Variants in ZNF90 observed in about 807,000 individuals in gnomAD.
The protein encoded by ZNF90 is zinc finger protein 90, also known as zinc finger protein HTF9.
ZNF90 carries 11 observed loss-of-function variants against 12.0 expected under a neutral mutation model. That is an observed-to-expected ratio of 0.92 (90% CI 0.58 to 1.52). The LOEUF (loss-of-function observed/expected upper bound fraction) is 1.52. Ranked by LOEUF, ZNF90 falls within the 40% of genes most tolerant of loss-of-function variation. The pLI, the probability that ZNF90 is intolerant of heterozygous loss-of-function variation, is 0.00. For synonymous variants in ZNF90, 232 were observed against 240.1 expected, an observed-to-expected ratio of 0.97 and a Z score of 0.31; for missense variants, 765 against 711.5, an observed-to-expected ratio of 1.08 and a Z score of -0.86.
chr19:20,111,558 A>G (rs1368237473), intron 3 of ZNF90, among the ~76,000 whole-genome samples: 4 of 152,168 alleles, frequency 2.6e-5, no homozygotes, highest in African/African-American at 4.8e-5. Context: ...AAGAAAAATT[A>G]CCAGTTATAT....
rs113075189 is a variant in ZNF90, at chr19:20,095,308, G to A, written c.4-8931G>A. Among the ~76,000 whole-genome samples, 621 of 152,224 alleles carry A rather than the reference G, an allele frequency of 4.1e-3. 6 individuals are homozygous for A. Among genetic ancestry groups the A allele is most frequent in the African/African-American group, 0.014 (584 of 41,516 alleles). ...GTAGGATGAAGAAATCGAAAGTGCC[G>A]TTTTCTGGCCATTTAGAGCCACTGT... On this transcript the variant is annotated intron_variant, in intron 1 of 3. Transcript: ENST00000418063.
At position 20,118,273 on chromosome 19, in the gene ZNF90, A is replaced by G. The variant is rs2089159380; in HGVS notation, c.719A>G (p.Tyr240Cys). 6.4e-7 allele frequency: 1 copy of G among 1,554,870 alleles called. No individual in the cohort carries two copies. The highest frequency in any genetic ancestry group is 1.4e-5 in the African/African-American group (1 of 72,972). The stretch of plus-strand genomic sequence containing the variant: ...GAAGATTGTGGCAAAGAATTAAAGT[A>G]TTCCTCTACCCTTACTGCACATAAG... ...KCEDCGKELK[Y>C]SSTLTAHKRI... Residue 240 changes from tyrosine (Y) to cysteine (C), a missense_variant, in exon 4 of 4, where the codon TAT becomes TGT. Tyr to Cys is a radical substitution (Grantham distance 194). Transcript: ENST00000418063.
chr19:20,080,333 C>T (rs1341231519), intron 1 of ZNF90: 2 of 499,666 alleles, frequency 4.0e-6, no homozygotes, highest in Admixed American at 2.5e-5. Flanking sequence ...GTACAACACT[C>T]TGAGCCACAG....
chr19:20,110,889 GTT>G (rs1305401537), intron 3 of ZNF90, among the ~76,000 whole-genome samples: 1 of 151,854 alleles, frequency 6.6e-6, no homozygotes, highest in East Asian at 1.9e-4. Flanking sequence ...TTATTGTTTA[GTT>G]TTAAGGGTTG....
intron 1 of ZNF90, among the ~76,000 whole-genome samples, chr19:20,079,009 C>T (rs1319631357): frequency 1.3e-5 from 2 of 150,982 alleles, no homozygotes; most frequent in Admixed American, 6.6e-5. Context: ...ATCCCAGCAA[C>T]TTGGGAGGCT....
In ZNF90 at chr19:20,104,240, G is replaced by C. The variant is rs782357393; in HGVS notation, c.5G>C (p.Gly2Ala). The C allele has an allele frequency of 6.2e-7, 1 of 1,613,656 alleles. No individual in the cohort carries two copies. Among genetic ancestry groups the C allele is most frequent in the Non-Finnish European group, 8.5e-7 (1 of 1,179,828 alleles). M[G>A]PLEFRDVAIE... ...TGTGTGTATATGTGTGTTTTTCAGGGACCATTGGAATTTAGAGATGTGGCC... is the reference window on the plus strand; with the variant it reads ...TGTGTGTATATGTGTGTTTTTCAGGCACCATTGGAATTTAGAGATGTGGCC... The change falls in exon 2 of 4, where the codon GGA (glycine) becomes GCA (alanine). Residue 2 changes from glycine (G) to alanine (A), a missense_variant and splice_region_variant. Physicochemically the swap from Gly to Ala is moderately conservative, Grantham distance 60. Coordinates refer to ENST00000418063, the MANE Select transcript of ZNF90 (RefSeq NM_007138.2).
chr19:20,101,568 C>G (rs984034722), intron 1 of ZNF90, among the ~76,000 whole-genome samples: 5 of 152,112 alleles, frequency 3.3e-5, no homozygotes, highest in Non-Finnish European at 5.9e-5. Context: ...TTTTGAATCT[C>G]TAATTGTTTT....
At position 20,078,038 on chromosome 19, in the gene ZNF90, C is replaced by T. The variant is rs1465324651; in HGVS notation, c.-95C>T. ...CTGCAGCTGGTGCTCCAAATCTGGT[C>T]TTAGCTGCTTCGTGTCTTCTTCTCC... On this transcript the variant is annotated 5_prime_UTR_variant, in exon 1 of 4. Coordinates refer to ENST00000418063, the MANE Select transcript of ZNF90 (RefSeq NM_007138.2). 3.2e-5 allele frequency: 49 copies of T among 1,552,198 alleles called. No homozygotes were observed. Among genetic ancestry groups the T allele is most frequent in the Non-Finnish European group, 4.1e-5 (46 of 1,124,042 alleles).
rs782242346 is a variant in ZNF90, at chr19:20,104,219, T to G, written c.4-20T>G. ...TGACCACTTGGTAAAAATGTGTGTG[T>G]GTATATGTGTGTTTTTCAGGGACCA... On this transcript the variant is annotated intron_variant, in intron 1 of 3. Coordinates refer to ENST00000418063, the MANE Select transcript of ZNF90 (RefSeq NM_007138.2). The G allele has an allele frequency of 1.6e-5, 26 of 1,613,080 alleles. No individual in the cohort carries two copies. In the South Asian group the frequency reaches 2.5e-4, roughly 16 times the overall value.
intron 1 of ZNF90, among the ~76,000 whole-genome samples, chr19:20,096,130 G>A (rs2088943363): frequency 6.6e-6 from 1 of 152,198 alleles, no homozygotes; most frequent in Admixed American, 6.5e-5. Flanking sequence ...ATTGGAAGGA[G>A]AAAGAGGTTG....
intron 1 of ZNF90, among the ~76,000 whole-genome samples, chr19:20,101,620 TTCTG>T (rs2088990648): frequency 6.6e-6 from 1 of 152,242 alleles, no homozygotes; most frequent in South Asian, 2.1e-4. Flanking sequence ...GGTGGACTTT[TTCTG>T]TCTTTGTTTT....
At position 20,118,499 on chromosome 19, in the gene ZNF90, T is replaced by C; in HGVS notation, c.945T>C (p.Cys315=). Residue 315 remains cysteine, a synonymous_variant, in exon 4 of 4, where the codon TGT becomes TGC. Transcript: ENST00000418063. ...ISHTEEKPYK[C]EECGKAFKLS... is the part of the protein sequence containing the mutation. Reference sequence around the variant, plus strand: ...ATACTGAAGAGAAACCCTACAAATGTGAAGAATGTGGCAAAGCCTTCAAGC... The same window carrying C: ...ATACTGAAGAGAAACCCTACAAATGCGAAGAATGTGGCAAAGCCTTCAAGC... 6.2e-7 allele frequency: 1 copy of C among 1,613,798 alleles called. No individual in the cohort carries two copies. The highest frequency in any genetic ancestry group is 8.5e-7 in the Non-Finnish European group (1 of 1,179,966).
intron 1 of ZNF90, among the ~76,000 whole-genome samples, chr19:20,081,770 T>C (rs1031595330): frequency 6.9e-6 from 1 of 143,920 alleles, no homozygotes; most frequent in African/African-American, 2.5e-5. Context: ...TTCTTTCTTC[T>C]TTTTTTTTTT....
chr19:20,108,862 G>T (rs1447906196), intron 3 of ZNF90, among the ~76,000 whole-genome samples: 38 of 151,380 alleles, frequency 2.5e-4, no homozygotes, highest in Admixed American at 2.5e-3. Context: ...GAGTAGCTGG[G>T]ACTACAGGCG....
chr19:20,085,268 C>CTTTTTTTTTCTTTTTCTTTT (rs143305769), intron 1 of ZNF90, among the ~76,000 whole-genome samples: 1 of 135,572 alleles, frequency 7.4e-6, no homozygotes, highest in South Asian at 2.3e-4. Flanking sequence ...TTGCATTGGT[C>CTTTTTTTTTCTTTTTCTTTT]TTTTTTTTTT....
intron 1 of ZNF90, among the ~76,000 whole-genome samples, chr19:20,082,789 G>T (rs1210603100): frequency 6.6e-6 from 1 of 152,160 alleles, no homozygotes; most frequent in Non-Finnish European, 1.5e-5. Context: ...ATTAGTAAAA[G>T]AGAAAGTCCT....
At chr19:20,095,835 G>T (rs2088940610) in intron 1 of ZNF90, among the ~76,000 whole-genome samples, 1 of 152,064 alleles carries the variant, frequency 6.6e-6, no homozygotes, top group Non-Finnish European at 1.5e-5. Context: ...GACAAGGAGA[G>T]AAGGGGTTGA....
At chr19:20,091,252 G>A (rs56686637) in intron 1 of ZNF90, among the ~76,000 whole-genome samples, 1,966 of 151,648 alleles carry the variant, frequency 0.013, 42 homozygotes, top group African/African-American at 0.046. Context: ...GGAAGGGAGG[G>A]GGCCTGAACA....
At position 20,118,706 on chromosome 19, in the gene ZNF90, T is replaced by C; in HGVS notation, c.1152T>C (p.Leu384=). 6.4e-7 allele frequency: 1 copy of C among 1,565,214 alleles called. No homozygotes were observed. The highest frequency in any genetic ancestry group is 1.4e-5 in the African/African-American group (1 of 73,654). Residue 384 remains leucine, a synonymous_variant, in exon 4 of 4, where the codon CTT becomes CTC. Coordinates refer to ENST00000418063, the MANE Select transcript of ZNF90 (RefSeq NM_007138.2). ...AAGCATTTATTTCATCCTCACTCCT[T>C]TATAAACATAAGATAAGTCATAGTG... The part of the protein sequence containing the change: ...CGKAFISSSL[L]YKHKISHSEK...
Sources: gnomAD v4.1 joint callset for allele counts (sites outside exome capture counted in the v4.1 genomes callset) on GRCh38, gnomAD v4.1.1 for gene constraint, MANE v1.5 for transcripts, NCBI Gene and HGNC (gene_info 2026-07-23, HGNC 2026-07-21) for gene names.